The following DDX51 variants were observed in gnomAD, a reference collection of about 807,000 sequenced individuals.
DDX51 encodes the protein ATP-dependent RNA helicase DDX51.
A neutral mutation model predicts 74.6 loss-of-function variants in DDX51; 67 were observed. The observed-to-expected ratio is 0.90, with a 90% CI of 0.74 to 1.10. DDX51 has a LOEUF of 1.10. Ranked by LOEUF, DDX51 falls within the 50% of genes least tolerant of loss-of-function variation. The pLI is 0.00. For missense variants in DDX51, 1,056 were observed against 905.2 expected, an observed-to-expected ratio of 1.17 and a Z score of -2.14; for synonymous variants, 545 against 402.9, an observed-to-expected ratio of 1.35 and a Z score of -4.22.
chr12:132,139,638 G>A lies in DDX51; in HGVS notation c.1971C>T (p.Val657=). ...TGCCGGACTCTGGTGCCCTTACCTT[G>A]ACAGACTCCTCCAGCTGGGACAGGG... ...EEALSQLEES[V]KEERKQRAA The change falls in exon 14 of 15, where the codon GTC becomes GTT. Residue 657 remains valine (V), a synonymous_variant. Transcript: ENST00000397333. The A allele has an allele frequency of 6.2e-7, 1 of 1,613,136 alleles. No homozygotes were observed. Among genetic ancestry groups the A allele is most frequent in the Non-Finnish European group, 8.5e-7 (1 of 1,180,016 alleles).
In DDX51 at chr12:132,143,794, G is replaced by T. The variant is rs1391478652; in HGVS notation, c.420C>A (p.Ser140Arg). The T allele has an allele frequency of 1.3e-6, 2 of 1,520,248 alleles. No homozygotes were observed. Among genetic ancestry groups the T allele is most frequent in the African/African-American group, 1.4e-5 (1 of 70,230 alleles). 94.2% of individuals were successfully genotyped at this position (1,520,248 alleles called of 1,614,324 possible). A position where few individuals can be genotyped will look rare whatever the true frequency, so the allele number is the denominator to read the frequency against. ...EAPGERSTSA[S>R]AEAAPDGPAL... is the part of the protein sequence containing the mutation. ...CCGGTCCATCTGGGGCCGCCTCGGC[G>T]CTGGCGCTGGTGCTGCGCTCCCCCG... Residue 140 changes from serine (S) to arginine (R), a missense_variant, in exon 2 of 15, where the codon AGC becomes AGA. Physicochemically the swap from Ser to Arg is moderately radical, Grantham distance 110. Coordinates refer to ENST00000397333, the MANE Select transcript of DDX51 (RefSeq NM_175066.4).
chr12:132,144,193 A>G lies in DDX51; in HGVS notation c.104T>C (p.Leu35Pro). 8.5e-7 allele frequency: 1 copy of G among 1,181,368 alleles called. No homozygotes were observed. Among genetic ancestry groups the G allele is most frequent in the Non-Finnish European group, 1.0e-6 (1 of 956,330 alleles). The allele number at this position is 1,181,368 out of a possible 1,614,324, so 73.2% of individuals were successfully genotyped here. A position where few individuals can be genotyped will look rare whatever the true frequency, so the allele number is the denominator to read the frequency against. ...GCGGGCCCGGCTCTGCAGCCGCTCGAGCAGCGCGCGGGCCCTGCCGTGCGC... is the reference window on the plus strand; with the variant it reads ...GCGGGCCCGGCTCTGCAGCCGCTCGGGCAGCGCGCGGGCCCTGCCGTGCGC... Reference protein sequence around the residue: ...AGAHGRARALLERLQSRARER... With the variant: ...AGAHGRARALPERLQSRARER... The change falls in exon 1 of 15, where the codon CTC becomes CCC. Residue 35 changes from leucine (L) to proline (P), a missense_variant. Transcript: ENST00000397333.
chr12:132,140,244 G>C (rs1266647775), intron 11 of DDX51, 45 bp from the exon 12 acceptor site: 1 of 1,594,358 alleles, frequency 6.3e-7, no homozygotes, highest in East Asian at 2.2e-5. Flanking sequence ...CCAGGAGCAG[G>C]GGCCGTGGCA....
Position 132,137,693 on chromosome 12 carries a change from T to A in DDX51, c.*1579A>T, listed in dbSNP as rs1897303126. ...TGGCCTGCGTCTCCCTGGCGGTTAGTGATGTTGGCATCATCCACCTTTTTC... is the reference window on the plus strand; with the variant it reads ...TGGCCTGCGTCTCCCTGGCGGTTAGAGATGTTGGCATCATCCACCTTTTTC... On this transcript the variant is annotated 3_prime_UTR_variant, in exon 15 of 15. Coordinates refer to ENST00000397333, the MANE Select transcript of DDX51 (RefSeq NM_175066.4). 6.6e-6 allele frequency: 1 copy of A among 152,252 alleles called. No homozygotes were observed. The highest frequency in any genetic ancestry group is 2.4e-5 in the African/African-American group (1 of 41,446). 9.4% of individuals were successfully genotyped at this position (152,252 alleles called of 1,614,324 possible). A position where few individuals can be genotyped will look rare whatever the true frequency, so the allele number is the denominator to read the frequency against.
intron 2 of DDX51, 39 bp downstream of exon 2, chr12:132,143,656 C>T (rs1235295204): frequency 1.3e-6 from 2 of 1,534,018 alleles, no homozygotes; most frequent in South Asian, 1.2e-5. Flanking sequence ...CGCAGCCTAC[C>T]CTCTCACGCC....
At chr12:132,139,344 C>T (rs779907737) in intron 14 of DDX51, 46 bp from the exon 15 acceptor site, 1 of 1,597,960 alleles carries the variant, frequency 6.3e-7, no homozygotes, top group Admixed American at 1.7e-5. Context: ...TCTGTCCCCT[C>T]ATCGTCTGTG....
At chr12:132,139,605 G>A (rs746723661) in intron 14 of DDX51, 30 bp downstream of exon 14, 10 of 1,613,076 alleles carry the variant, frequency 6.2e-6, no homozygotes, top group Non-Finnish European at 7.6e-6. Flanking sequence ...CCTCCCCAGA[G>A]GGTTTCATGC....
chr12:132,143,579 G>A (rs1897567003), intron 2 of DDX51, 116 bp downstream of exon 2: 7 of 1,349,784 alleles, frequency 5.2e-6, no homozygotes, highest in South Asian at 1.3e-5. Context: ...GCAGCGAGGC[G>A]CGGCTGTGAC....
Position 132,141,029 on chromosome 12 carries a change from G to C in DDX51, c.1251-9C>G, listed in dbSNP as rs775463958. The C allele has an allele frequency of 2.5e-6, 4 of 1,585,250 alleles. No individual in the cohort carries two copies. In the South Asian group the frequency reaches 3.4e-5, roughly 13 times the overall value. ...TCTGGGGACAGCAGGTGCTGGAAGA[G>C]AAGGGGGTGTTGCTGGCACCCTACC... On this transcript the variant is annotated splice_polypyrimidine_tract_variant and intron_variant, in intron 8 of 14. Transcript: ENST00000397333.
chr12:132,142,319 T>C lies in DDX51; in HGVS notation c.774A>G (p.Thr258=). 4 of 1,613,130 alleles carry C rather than the reference T, an allele frequency of 2.5e-6. No homozygotes were observed. Among genetic ancestry groups the C allele is most frequent in the Non-Finnish European group, 3.4e-6 (4 of 1,179,996 alleles). ...RPSDLCVSAP[T]GSGKTLAFVI... is the part of the protein sequence containing the mutation. Reference sequence around the variant, plus strand: ...CGAAGGCCAGTGTCTTCCCACTGCCTGTTGGGGCAGAAACACAGAGGTCGC... The same window carrying C: ...CGAAGGCCAGTGTCTTCCCACTGCCCGTTGGGGCAGAAACACAGAGGTCGC... Residue 258 remains threonine, a synonymous_variant, in exon 4 of 15, where the codon ACA becomes ACG. Transcript: ENST00000397333.
chr12:132,139,291 C>A lies in DDX51; in HGVS notation c.1982G>T (p.Arg661Leu). The A allele has an allele frequency of 1.2e-6, 2 of 1,608,804 alleles. No individual in the cohort carries two copies. The highest frequency in any genetic ancestry group is 1.1e-5 in the South Asian group (1 of 90,304). The change falls in exon 15 of 15, where the codon CGC becomes CTC. Residue 661 changes from arginine (R) to leucine (L), a missense_variant. Coordinates refer to ENST00000397333, the MANE Select transcript of DDX51 (RefSeq NM_175066.4). ...CCCAGCCTAGGCCGCCCTCTGCTTG[C>A]GCTCTTCCTGTGGAGGAAAGGGGAG... Reference protein sequence around the residue: ...SQLEESVKEERKQRAA With the variant: ...SQLEESVKEELKQRAA
chr12:132,143,530 G>A (rs1356626930), intron 2 of DDX51, 165 bp downstream of exon 2: 6 of 888,414 alleles, frequency 6.8e-6, no homozygotes, highest in Non-Finnish European at 1.0e-5. Flanking sequence ...CTCTGCACGT[G>A]CAGGATCCAG....
Position 132,136,898 on chromosome 12 carries a change from A to C in DDX51, c.*2374T>G, listed in dbSNP as rs1335338091. On this transcript the variant is annotated 3_prime_UTR_variant, in exon 15 of 15. Coordinates refer to ENST00000397333, the MANE Select transcript of DDX51 (RefSeq NM_175066.4). ...AGGATGGTCTCGATCTCCTGACCTC[A>C]GGTGATGCGCCTGCCTCAGCCTCCC... The C allele has an allele frequency of 6.6e-6, 1 of 152,290 alleles. No individual in the cohort carries two copies. The highest frequency in any genetic ancestry group is 6.5e-5 in the Admixed American group (1 of 15,272). The allele number at this position is 152,290 out of a possible 1,614,324, so 9.4% of individuals were successfully genotyped here.
chr12:132,143,589 C>G (rs1384180287), intron 2 of DDX51, 106 bp downstream of exon 2: 1 of 1,425,354 alleles, frequency 7.0e-7, no homozygotes, highest in East Asian at 2.6e-5. Flanking sequence ...GCGGCTGTGA[C>G]CCGGGAACAT....
At chr12:132,142,485 T>C (rs1897505481) in intron 3 of DDX51, 63 bp from the exon 4 acceptor site, 1 of 1,575,000 alleles carries the variant, frequency 6.3e-7, no homozygotes. Flanking sequence ...GCCGCTTCCC[T>C]GCCTGTGACC....
chr12:132,140,008 C>T, intron 12 of DDX51, 84 bp from the exon 13 acceptor site: 2 of 1,606,760 alleles, frequency 1.2e-6, no homozygotes, highest in Non-Finnish European at 1.7e-6. Context: ...CACACCAACC[C>T]CACCCCACGC....
chr12:132,143,418 G>T, intron 2 of DDX51: 2 of 555,670 alleles, frequency 3.6e-6, no homozygotes, highest in East Asian at 3.3e-5. Context: ...CTGAGGCGGT[G>T]AGCGCACAGC....
Position 132,137,786 on chromosome 12 carries a change from T to G in DDX51, c.*1486A>C, listed in dbSNP as rs1897307033. 6.6e-6 allele frequency: 1 copy of G among 152,058 alleles called. No individual in the cohort carries two copies. The highest frequency in any genetic ancestry group is 1.5e-5 in the Non-Finnish European group (1 of 68,016). 9.4% of individuals were successfully genotyped at this position (152,058 alleles called of 1,614,324 possible). On this transcript the variant is annotated 3_prime_UTR_variant, in exon 15 of 15. Coordinates refer to ENST00000397333, the MANE Select transcript of DDX51 (RefSeq NM_175066.4). ...CCAGTCCATGGTTTTTAGTAAAAGG[T>G]TTATAGAGGTGAGCAGCCATCACCA... is the stretch of plus-strand genomic sequence containing the variant.
chr12:132,139,600 C>A (rs369499606), intron 14 of DDX51, 35 bp downstream of exon 14: 2 of 1,612,922 alleles, frequency 1.2e-6, no homozygotes, highest in South Asian at 1.1e-5. Flanking sequence ...AACGCCCTCC[C>A]CAGAGGGTTT....
Sources: gnomAD v4.1 joint callset for allele counts on GRCh38, gnomAD v4.1.1 for gene constraint, MANE v1.5 for transcripts, NCBI Gene and HGNC (gene_info 2026-07-23, HGNC 2026-07-21) for gene names.